The following ALDH1A2 variants were observed in gnomAD, a reference collection of about 807,000 sequenced individuals.
ALDH1A2 encodes aldehyde dehydrogenase 1 family member A2.
In ALDH1A2, 27 loss-of-function variants were observed where a neutral mutation model predicts 60.3. The ratio of observed to expected loss-of-function variants is 0.45; its 90% CI spans 0.33 to 0.62. ALDH1A2 has a LOEUF of 0.62. Ranked by LOEUF, ALDH1A2 falls within the 20% of genes least tolerant of loss-of-function variation. The pLI is 0.02. For missense variants in ALDH1A2, 581 were observed against 643.8 expected (o/e 0.90, Z 1.06); for synonymous variants, 289 against 232.4 (o/e 1.24, Z -2.21).
intron 4 of ALDH1A2, among the ~76,000 whole-genome samples, chr15:57,998,190 T>G (rs147478543): frequency 6.6e-6 from 1 of 152,120 alleles, no homozygotes; most frequent in East Asian, 1.9e-4. Flanking sequence ...TATTGGAAGT[T>G]CTGGCCAGTT....
At chr15:58,044,594 A>T (rs1163082328) in intron 1 of ALDH1A2, among the ~76,000 whole-genome samples, 1 of 152,034 alleles carries the variant, frequency 6.6e-6, no homozygotes. Flanking sequence ...CTACTTAGAG[A>T]TGAGGTCCTG....
intron 4 of ALDH1A2, among the ~76,000 whole-genome samples, chr15:58,004,131 C>G (rs1353269287): frequency 6.6e-6 from 1 of 151,826 alleles, no homozygotes; most frequent in Non-Finnish European, 1.5e-5. Context: ...CATGAGATAA[C>G]CCTTTTGTCT....
At chr15:58,037,273 T>C (rs1896399398) in intron 1 of ALDH1A2, among the ~76,000 whole-genome samples, 1 of 151,300 alleles carries the variant, frequency 6.6e-6, no homozygotes, top group African/African-American at 2.4e-5. Flanking sequence ...AAAAGAATTA[T>C]GAGAAAAGAG....
chr15:58,038,872 T>G (rs1209906743), intron 1 of ALDH1A2, among the ~76,000 whole-genome samples: 1 of 151,742 alleles, frequency 6.6e-6, no homozygotes, highest in Non-Finnish European at 1.5e-5. Flanking sequence ...ACCAGAGTAT[T>G]TACTCTAGTG....
At chr15:58,038,700 T>G (rs1291406916) in intron 1 of ALDH1A2, 1 of 151,758 alleles carries the variant, frequency 6.6e-6, no homozygotes, top group Non-Finnish European at 1.5e-5. Context: ...CAGTCCCAAA[T>G]TGGAAGAAAT....
intron 1 of ALDH1A2, among the ~76,000 whole-genome samples, chr15:58,020,263 T>C (rs765502808): frequency 6.6e-6 from 1 of 152,348 alleles, no homozygotes; most frequent in Non-Finnish European, 1.5e-5. Context: ...CTATTGTGAA[T>C]AGTGCTGCAA....
At chr15:58,062,644 C>G (rs1316941216) in intron 1 of ALDH1A2, among the ~76,000 whole-genome samples, 1 of 152,022 alleles carries the variant, frequency 6.6e-6, no homozygotes, top group Admixed American at 6.6e-5. Flanking sequence ...CAAATTGGTC[C>G]CCTCAATACT....
intron 4 of ALDH1A2, among the ~76,000 whole-genome samples, chr15:57,997,900 A>T (rs954209956): frequency 2.6e-5 from 4 of 152,016 alleles, no homozygotes; most frequent in Admixed American, 1.3e-4. Flanking sequence ...GTAGCAAATT[A>T]AAAAATAAAC....
intron 7 of ALDH1A2, among the ~76,000 whole-genome samples, chr15:57,975,582 G>A (rs1330451531): frequency 6.6e-6 from 1 of 152,156 alleles, no homozygotes; most frequent in East Asian, 1.9e-4. Flanking sequence ...AGTTTTGGGG[G>A]CATTCCAGAT....
intron 1 of ALDH1A2, among the ~76,000 whole-genome samples, chr15:58,031,403 G>A (rs145204997): frequency 0.016 from 2,403 of 151,920 alleles, 61 homozygotes; most frequent in African/African-American, 0.048. Flanking sequence ...ACCTAAAACC[G>A]TCAAAACCCT....
Position 57,993,011 on chromosome 15 carries a change from T to C in ALDH1A2, c.618A>G (p.Thr206=). 6 of 1,613,802 alleles carry C rather than the reference T, an allele frequency of 3.7e-6. No homozygotes were observed. The highest frequency in any genetic ancestry group is 5.1e-6 in the Non-Finnish European group (6 of 1,179,966). The part of the protein sequence containing the change: ...KIAPALCCGN[T]VVIKPAEQTP... Reference sequence around the variant, plus strand: ...TTTGCTCTGCTGGCTTAATAACTACTGTATTGCCACAGCACAAAGCTGGAG... The same window carrying C: ...TTTGCTCTGCTGGCTTAATAACTACCGTATTGCCACAGCACAAAGCTGGAG... The change falls in exon 6 of 13, where the codon ACA becomes ACG. Residue 206 remains threonine, a synonymous_variant. Coordinates refer to ENST00000249750, the MANE Select transcript of ALDH1A2 (RefSeq NM_003888.4).
rs969517447 is a variant in ALDH1A2, at chr15:58,061,263, G to C, written c.117+4271C>G. ...GATACAAACACCAAAAAGCTGCATA[G>C]TTATGAAAAAGTATTTAAAAAAAAA... On this transcript the variant is annotated intron_variant, in intron 1 of 12. Coordinates refer to ENST00000249750, the MANE Select transcript of ALDH1A2 (RefSeq NM_003888.4). 4.0e-5 allele frequency among the ~76,000 whole-genome samples: 6 copies of C among 151,248 alleles called. No individual in the cohort carries two copies. In the East Asian group the frequency reaches 9.7e-4, roughly 24 times the overall value.
intron 7 of ALDH1A2, among the ~76,000 whole-genome samples, chr15:57,984,410 G>A (rs1227740304): frequency 2.0e-5 from 3 of 152,146 alleles, no homozygotes; most frequent in East Asian, 1.9e-4. Flanking sequence ...CTCTTTTGAT[G>A]TGTACAATTC....
chr15:57,982,408 G>A (rs148164031), intron 7 of ALDH1A2, among the ~76,000 whole-genome samples: 98 of 152,288 alleles, frequency 6.4e-4, no homozygotes, highest in African/African-American at 2.2e-3. Context: ...AAAAAGTGAT[G>A]ATTTCCTTTA....
intron 1 of ALDH1A2, among the ~76,000 whole-genome samples, chr15:58,023,578 C>T (rs1414062134): frequency 6.7e-6 from 1 of 149,770 alleles, no homozygotes; most frequent in Non-Finnish European, 1.5e-5. Flanking sequence ...ATAAAGGAAA[C>T]CCCATCAAAC....
intron 4 of ALDH1A2, among the ~76,000 whole-genome samples, chr15:57,997,675 C>T (rs1341901175): frequency 1.3e-5 from 2 of 151,596 alleles, no homozygotes; most frequent in Non-Finnish European, 2.9e-5. Context: ...CACAAGTTAC[C>T]GAAAAAAGTG....
intron 4 of ALDH1A2, among the ~76,000 whole-genome samples, chr15:58,006,171 C>T (rs1192896891): frequency 3.3e-4 from 50 of 151,854 alleles, no homozygotes; most frequent in Admixed American, 3.2e-3. Flanking sequence ...TTATCACTCA[C>T]CCCACTCCCA....
intron 1 of ALDH1A2, among the ~76,000 whole-genome samples, chr15:58,056,568 C>T (rs1031300143): frequency 6.6e-6 from 1 of 151,944 alleles, no homozygotes; most frequent in Non-Finnish European, 1.5e-5. Context: ...ATCCTTCTTC[C>T]TTTGCATTTA....
chr15:58,055,106 T>C (rs1896863971), intron 1 of ALDH1A2, among the ~76,000 whole-genome samples: 1 of 152,108 alleles, frequency 6.6e-6, no homozygotes, highest in African/African-American at 2.4e-5. Flanking sequence ...ATTGTCTTTG[T>C]AGTGGTTATT....
Sources: gnomAD v4.1 joint callset for allele counts (sites outside exome capture counted in the v4.1 genomes callset) on GRCh38, gnomAD v4.1.1 for gene constraint, MANE v1.5 for transcripts, NCBI Gene and HGNC (gene_info 2026-07-23, HGNC 2026-07-21) for gene names.